Variants in WHAMM observed in about 807,000 individuals in gnomAD.
WHAMM encodes WASP homolog-associated protein with actin, membranes and microtubules.
WHAMM carries 67 observed loss-of-function variants against 76.5 expected under a neutral mutation model. The ratio of observed to expected loss-of-function variants is 0.88; its 90% CI spans 0.72 to 1.07. WHAMM has a LOEUF of 1.07. WHAMM is among the 50% of genes least tolerant of loss of function. The probability of loss-of-function intolerance (pLI) is 0.00; values close to 1 mark genes in which losing one functional copy is unlikely to be tolerated. For missense variants in WHAMM, 1,021 were observed against 1,051.1 expected (o/e 0.97, Z 0.40); for synonymous variants, 419 against 422.1 (o/e 0.99, Z 0.09).
intron 8 of WHAMM, among the ~76,000 whole-genome samples, chr15:82,829,351 A>G (rs1260738060): frequency 1.3e-5 from 2 of 152,266 alleles, no homozygotes; most frequent in Non-Finnish European, 2.9e-5. Context: ...TCACAGTGAC[A>G]TGCTGCAGCC....
intron 5 of WHAMM, among the ~76,000 whole-genome samples, chr15:82,822,810 A>ATGTGTGTGTG (rs71451663): frequency 6.6e-5 from 10 of 150,578 alleles, no homozygotes; most frequent in Non-Finnish European, 1.0e-4. Context: ...TGTAAGTAGT[A>ATGTGTGTGTG]TGTGTGTGTG....
chr15:82,830,257 A>G (rs1414447191), intron 8 of WHAMM, among the ~76,000 whole-genome samples: 1 of 149,658 alleles, frequency 6.7e-6, no homozygotes, highest in African/African-American at 2.5e-5. Context: ...TTTTGAATAG[A>G]TTTGTCATAA....
chr15:82,824,607 C>A (rs1485266043), intron 6 of WHAMM, among the ~76,000 whole-genome samples: 2 of 151,670 alleles, frequency 1.3e-5, no homozygotes, highest in Non-Finnish European at 2.9e-5. Context: ...GGGCATGAGT[C>A]ACAGCGCCTG....
chr15:82,810,461 C>G, intron 1 of WHAMM, 126 bp downstream of exon 1: 1 of 1,222,380 alleles, frequency 8.2e-7, no homozygotes, highest in Non-Finnish European at 1.0e-6. Context: ...CGGAGAAGGC[C>G]GCGGGCTCCC....
intron 2 of WHAMM, among the ~76,000 whole-genome samples, chr15:82,814,279 A>ACC (rs1399406561): frequency 2.0e-5 from 3 of 152,300 alleles, no homozygotes; most frequent in Admixed American, 6.5e-5. Context: ...TGCCCCCTGC[A>ACC]CCGGGCCATC....
At chr15:82,818,909 T>C (rs2050773516) in intron 4 of WHAMM, among the ~76,000 whole-genome samples, 2 of 152,238 alleles carry the variant, frequency 1.3e-5, no homozygotes, top group African/African-American at 2.4e-5. Context: ...TGTGTATGTT[T>C]AGAAAGAAAG....
chr15:82,827,838 G>T (rs1267224335), intron 8 of WHAMM, among the ~76,000 whole-genome samples: 1 of 152,094 alleles, frequency 6.6e-6, no homozygotes, highest in African/African-American at 2.4e-5. Flanking sequence ...CCAGGTACTT[G>T]GGAGGCTAAG....
Position 82,831,046 on chromosome 15 carries a change from C to G in WHAMM, c.2089C>G (p.Pro697Ala), listed in dbSNP as rs763375138. The change falls in exon 9 of 10, where the codon CCA (proline) becomes GCA (alanine). Residue 697 changes from proline to alanine, a missense_variant. This residue lies in a region of WHAMM where 509 missense variants were observed against 492.3 expected (regional missense o/e 1.03). Coordinates refer to ENST00000286760, the MANE Select transcript of WHAMM (RefSeq NM_001080435.3). ...PLVCESPAER[P>A]RDSLESFSCP... ...AGTGTGCGAATCACCTGCTGAGCGA[C>G]CACGTGACTCCTTGGAAAGTTTTTC... 1.2e-6 allele frequency: 2 copies of G among 1,609,580 alleles called. No homozygotes were observed. Among genetic ancestry groups the G allele is most frequent in the Non-Finnish European group, 8.5e-7 (1 of 1,179,788 alleles).
At position 82,816,628 on chromosome 15, in the gene WHAMM, A is replaced by G. The variant is rs1223856753; in HGVS notation, c.784-64A>G. The G allele has an allele frequency of 1.6e-5, 24 of 1,457,080 alleles. No individual in the cohort carries two copies. The Admixed American group carries it at 3.0e-4, about 18-fold the overall frequency. 90.3% of individuals were successfully genotyped at this position (1,457,080 alleles called of 1,614,324 possible). A position where few individuals can be genotyped will look rare whatever the true frequency, so the allele number is the denominator to read the frequency against. On this transcript the variant is annotated intron_variant, in intron 2 of 9. Transcript: ENST00000286760. ...TAATCCATGTGACCAATTTCCTTTC[A>G]ATTTCCTAATGGCTCTACATAACTA...
At chr15:82,818,328 G>A (rs946358924) in intron 4 of WHAMM, among the ~76,000 whole-genome samples, 2 of 152,098 alleles carry the variant, frequency 1.3e-5, no homozygotes, top group African/African-American at 4.8e-5. Flanking sequence ...TCCACACTGT[G>A]TATACACATT....
chr15:82,826,548 G>A (rs1337649895), intron 7 of WHAMM, 52 bp downstream of exon 7: 34 of 1,597,206 alleles, frequency 2.1e-5, no homozygotes, highest in Middle Eastern at 1.7e-4. Flanking sequence ...GTGACATGCA[G>A]GCCTAGACTT....
chr15:82,819,058 C>T (rs182232974), intron 4 of WHAMM, among the ~76,000 whole-genome samples: 101 of 152,266 alleles, frequency 6.6e-4, no homozygotes, highest in Admixed American at 1.5e-3. Flanking sequence ...TGTCAACATA[C>T]GAATTTTTGG....
At position 82,831,073 on chromosome 15, in the gene WHAMM, T is replaced by C. The variant is rs756278014; in HGVS notation, c.2116T>C (p.Cys706Arg). The C allele has an allele frequency of 2.3e-5, 37 of 1,605,136 alleles. No homozygotes were observed. The highest frequency in any genetic ancestry group is 3.3e-5 in the Admixed American group (2 of 59,998). Residue 706 changes from cysteine (C) to arginine (R), a missense_variant, in exon 9 of 10, where the codon TGT (cysteine) becomes CGT (arginine). Cys to Arg is a radical substitution (Grantham distance 180). Transcript: ENST00000286760. ...RPRDSLESFS[C>R]PGSMDEVLAS... The stretch of plus-strand genomic sequence containing the variant: ...ACGTGACTCCTTGGAAAGTTTTTCA[T>C]GTCCAGGTAATCCACTGGAATTCTG...
At chr15:82,819,051 C>T (rs1427708749) in intron 4 of WHAMM, among the ~76,000 whole-genome samples, 1 of 152,164 alleles carries the variant, frequency 6.6e-6, no homozygotes, top group Non-Finnish European at 1.5e-5. Flanking sequence ...GTTAGAGTGT[C>T]AACATACGAA....
In WHAMM at chr15:82,833,251, C is replaced by T. The variant is rs748898182; in HGVS notation, c.2145C>T (p.Ala715=). Residue 715 remains alanine (A), a synonymous_variant, in exon 10 of 10, where the codon GCC becomes GCT. Coordinates refer to ENST00000286760, the MANE Select transcript of WHAMM (RefSeq NM_001080435.3). Reference sequence around the variant, plus strand: ...CAGGATCTATGGATGAAGTGTTGGCCTCCTTAAGGCATGGCAGAGCTCCTC... The same window carrying T: ...CAGGATCTATGGATGAAGTGTTGGCTTCCTTAAGGCATGGCAGAGCTCCTC... ...SCPGSMDEVL[A]SLRHGRAPLR... 19 of 1,613,862 alleles carry T rather than the reference C, an allele frequency of 1.2e-5. No homozygotes were observed. In the South Asian group the frequency reaches 1.8e-4, roughly 15 times the overall value.
At chr15:82,814,787 T>TTTGG (rs1200320774) in intron 2 of WHAMM, among the ~76,000 whole-genome samples, 1 of 135,970 alleles carries the variant, frequency 7.4e-6, no homozygotes. Flanking sequence ...TTTTTTTTTT[T>TTTGG]GAGACAGAGT....
chr15:82,814,281 C>T (rs563358074), intron 2 of WHAMM, among the ~76,000 whole-genome samples: 5 of 152,220 alleles, frequency 3.3e-5, no homozygotes, highest in Middle Eastern at 3.4e-3. Flanking sequence ...CCCCCTGCAC[C>T]GGGCCATCTT....
intron 6 of WHAMM, among the ~76,000 whole-genome samples, chr15:82,823,968 A>G (rs1427487166): frequency 2.0e-5 from 3 of 152,162 alleles, no homozygotes; most frequent in South Asian, 4.1e-4. Flanking sequence ...ACACAAAAGA[A>G]TTACAGATAA....
intron 2 of WHAMM, among the ~76,000 whole-genome samples, chr15:82,814,476 G>A (rs2050684776): frequency 1.3e-5 from 2 of 151,998 alleles, no homozygotes; most frequent in South Asian, 4.1e-4. Flanking sequence ...TTGAGATAGA[G>A]TTTTGCTCTT....
Sources: allele counts gnomAD v4.1 joint callset (sites outside exome capture counted in the v4.1 genomes callset), GRCh38; gene constraint gnomAD v4.1.1; regional missense constraint gnomAD v4.1.1; transcripts MANE v1.5; gene names NCBI Gene and HGNC (gene_info 2026-07-23, HGNC 2026-07-21).